The following ARHGAP20 variants were observed in gnomAD, a reference collection of about 807,000 sequenced individuals.
ARHGAP20 encodes the protein rho GTPase-activating protein 20.
In ARHGAP20, 34 loss-of-function variants were observed where a neutral mutation model predicts 73.7. The ratio of observed to expected loss-of-function variants is 0.46; its 90% confidence interval spans 0.35 to 0.61. The LOEUF (loss-of-function observed/expected upper bound fraction) is 0.61, where lower values mean the gene tolerates loss of function less well. ARHGAP20 is among the 20% of genes least tolerant of loss of function. The pLI is 0.00. For synonymous variants in ARHGAP20, 523 were observed against 518.2 expected (o/e 1.01, Z -0.13); for missense variants, 1,314 against 1,420.9 (o/e 0.92, Z 1.21).
intron 4 of ARHGAP20, among the ~76,000 whole-genome samples, chr11:110,619,594 T>TA (rs1428252678): frequency 1.3e-5 from 2 of 151,656 alleles, no homozygotes; most frequent in Non-Finnish European, 2.9e-5. Flanking sequence ...TATGTAGTGA[T>TA]AGAGTGTATG....
intron 3 of ARHGAP20, among the ~76,000 whole-genome samples, chr11:110,626,586 T>C (rs577755751): frequency 6.6e-6 from 1 of 152,358 alleles, no homozygotes; most frequent in East Asian, 1.9e-4. Flanking sequence ...GAATTTAAAC[T>C]TGGACAGTGT....
chr11:110,579,544 C>T lies in ARHGAP20; in HGVS notation c.3402G>A (p.Lys1134=), dbSNP rs372366480. ...SPFSLVESRL[K]LCMKSHEEIE... ...TTTCCTCATGTGACTTCATGCACAG[C>T]TTAAGTCTGCTCTCCACCAGGCTGA... Residue 1134 remains lysine, a synonymous_variant, in exon 15 of 15, where the codon AAG becomes AAA. Transcript: ENST00000683387. 1 of 1,613,918 alleles carries T rather than the reference C, an allele frequency of 6.2e-7. No individual in the cohort carries two copies. The highest frequency in any genetic ancestry group is 1.3e-5 in the African/African-American group (1 of 74,932).
chr11:110,616,569 A>G (rs1948487579), intron 4 of ARHGAP20, among the ~76,000 whole-genome samples: 1 of 152,092 alleles, frequency 6.6e-6, no homozygotes, highest in Non-Finnish European at 1.5e-5. Context: ...GATGTTGGAA[A>G]TCCTAGTTAT....
chr11:110,607,404 G>T (rs902070059), intron 8 of ARHGAP20, among the ~76,000 whole-genome samples: 1 of 152,124 alleles, frequency 6.6e-6, no homozygotes. Context: ...ATGCAAAAAC[G>T]AATATACAGA....
intron 2 of ARHGAP20, among the ~76,000 whole-genome samples, chr11:110,679,147 C>T (rs969341212): frequency 6.6e-6 from 1 of 152,150 alleles, no homozygotes; most frequent in African/African-American, 2.4e-5. Context: ...GCTATTAGAG[C>T]CTTCAGTTTC....
At chr11:110,627,413 G>A (rs1054973542) in intron 3 of ARHGAP20, among the ~76,000 whole-genome samples, 1 of 151,998 alleles carries the variant, frequency 6.6e-6, no homozygotes, top group African/African-American at 2.4e-5. Context: ...TTTTGACAAC[G>A]TAGTCCCTTA....
At chr11:110,710,916 C>A (rs2135164846) in intron 1 of ARHGAP20, among the ~76,000 whole-genome samples, 1 of 151,498 alleles carries the variant, frequency 6.6e-6, no homozygotes, top group Admixed American at 6.6e-5. Context: ...AAATGCAATC[C>A]CTTAAGATAT....
intron 2 of ARHGAP20, among the ~76,000 whole-genome samples, chr11:110,683,689 A>T (rs1286781573): frequency 6.6e-6 from 1 of 152,138 alleles, no homozygotes; most frequent in Non-Finnish European, 1.5e-5. Context: ...AATATGTACA[A>T]TTATTATGTG....
intron 2 of ARHGAP20, among the ~76,000 whole-genome samples, chr11:110,654,897 GAGA>G (rs1185091994): frequency 6.6e-6 from 1 of 152,162 alleles, no homozygotes; most frequent in Non-Finnish European, 1.5e-5. Flanking sequence ...TAGGGGTTGG[GAGA>G]AGATTTGACA....
At chr11:110,639,243 C>G (rs910088513) in intron 2 of ARHGAP20, among the ~76,000 whole-genome samples, 4 of 150,242 alleles carry the variant, frequency 2.7e-5, no homozygotes, top group South Asian at 4.2e-4. Flanking sequence ...TCGATACCCC[C>G]CCCCCACAAG....
chr11:110,695,268 T>C (rs1950314424), intron 1 of ARHGAP20, among the ~76,000 whole-genome samples: 1 of 151,484 alleles, frequency 6.6e-6, no homozygotes, highest in Non-Finnish European at 1.5e-5. Context: ...TTTTGTCATC[T>C]TGGATGAGGC....
At chr11:110,690,982 A>G in intron 1 of ARHGAP20, 1 of 1,523,208 alleles carries the variant, frequency 6.6e-7, no homozygotes, top group Non-Finnish European at 8.8e-7. Context: ...CTTATTTATT[A>G]TAATCCAAAA....
In ARHGAP20 at chr11:110,664,129, G is replaced by T. The variant is rs191576690; in HGVS notation, c.188+26418C>A. Among the ~76,000 whole-genome samples the T allele has an allele frequency of 2.2e-4, 33 of 152,114 alleles. 1 individual carries two copies. Among genetic ancestry groups the T allele is most frequent in the African/African-American group, 7.7e-4 (32 of 41,484 alleles). ...CTCCTAATATTAGGAATAAAACAAAGAGGTCCACTAGAACCACTTCTCTTC... is the reference window on the plus strand; with the variant it reads ...CTCCTAATATTAGGAATAAAACAAATAGGTCCACTAGAACCACTTCTCTTC... On this transcript the variant is annotated intron_variant, in intron 2 of 14. Transcript: ENST00000683387.
chr11:110,710,829 G>A (rs1470819911), intron 1 of ARHGAP20, among the ~76,000 whole-genome samples: 1 of 152,190 alleles, frequency 6.6e-6, no homozygotes, highest in Non-Finnish European at 1.5e-5. Context: ...TAAGATCCTG[G>A]TGGGAAGATT....
chr11:110,603,482 A>T lies in ARHGAP20; in HGVS notation c.964+3079T>A, dbSNP rs116138586. On this transcript the variant is annotated intron_variant, in intron 9 of 14. Coordinates refer to ENST00000683387, the MANE Select transcript of ARHGAP20 (RefSeq NM_001384657.1). Reference sequence around the variant, plus strand: ...TCAAAACAATGAATGTTTAATTACAAGTAATATCAAGCTGCTTTATATACT... The same window carrying T: ...TCAAAACAATGAATGTTTAATTACATGTAATATCAAGCTGCTTTATATACT... 2.7e-3 allele frequency among the ~76,000 whole-genome samples: 412 copies of T among 152,352 alleles called. 3 individuals carry two copies. The highest frequency in any genetic ancestry group is 9.2e-3 in the African/African-American group (384 of 41,590).
chr11:110,583,779 CA>C (rs1565420412), intron 12 of ARHGAP20, 42 bp from the exon 13 acceptor site: 1 of 1,452,340 alleles, frequency 6.9e-7, no homozygotes. Flanking sequence ...ACATTTCATT[CA>C]AAAACTTGTA....
At chr11:110,694,496 T>C (rs944260866) in intron 1 of ARHGAP20, among the ~76,000 whole-genome samples, 14 of 151,872 alleles carry the variant, frequency 9.2e-5, no homozygotes, top group African/African-American at 3.4e-4. Flanking sequence ...GAGAACCAAA[T>C]GCCAGTAATT....
At chr11:110,645,211 T>C (rs766698685) in intron 2 of ARHGAP20, among the ~76,000 whole-genome samples, 17 of 152,102 alleles carry the variant, frequency 1.1e-4, no homozygotes, top group Non-Finnish European at 1.5e-4. Context: ...GGTTTCACCA[T>C]GTTGGCCAGG....
At chr11:110,682,685 A>G (rs1173192720) in intron 2 of ARHGAP20, among the ~76,000 whole-genome samples, 4 of 152,170 alleles carry the variant, frequency 2.6e-5, no homozygotes, top group African/African-American at 9.6e-5. Context: ...TTAATAGATG[A>G]GCCAGAAGGC....
Sources: gnomAD v4.1 joint callset for allele counts (sites outside exome capture counted in the v4.1 genomes callset) on GRCh38, gnomAD v4.1.1 for gene constraint, MANE v1.5 for transcripts, NCBI Gene and HGNC (gene_info 2026-07-23, HGNC 2026-07-21) for gene names.